The following CNTN6 variants were observed in gnomAD, a reference collection of about 807,000 sequenced individuals.
CNTN6 encodes the protein contactin-6.
A neutral mutation model predicts 122.8 loss-of-function variants in CNTN6; 137 were observed. The observed-to-expected ratio is 1.12, with a 90% CI of 0.97 to 1.29. CNTN6 has a LOEUF of 1.29. Ranked by LOEUF, CNTN6 falls within the 50% of genes most tolerant of loss-of-function variation. The pLI, the probability that CNTN6 is intolerant of heterozygous loss-of-function variation, is 0.00. For missense variants in CNTN6, 1,634 were observed against 1,223.4 expected (o/e 1.34, Z -5.01); for synonymous variants, 570 against 426.0 (o/e 1.34, Z -4.16).
In CNTN6 at chr3:1,156,677, TCCTTTCCC is replaced by T. The variant is rs1437331233; in HGVS notation, c.55+8615_55+8622del. Among the ~76,000 whole-genome samples the T allele has an allele frequency of 3.7e-3, 346 of 92,692 alleles. 2 individuals carry two copies. In the South Asian group the frequency reaches 0.042, roughly 11 times the overall value. The allele number at this position is 92,692 out of a possible 152,430, so 60.8% of individuals were successfully genotyped here. Reference sequence around the variant, plus strand: ...TTGCTCTTTCCCTTCCTTCCTTCCTTCCTTTCCCTCCCTCCCTTCCTTCCTTCCTTCCT... The same window carrying T: ...TTGCTCTTTCCCTTCCTTCCTTCCTTTCCCTCCCTTCCTTCCTTCCTTCCT... On this transcript the variant is annotated intron_variant, in intron 2 of 22. Coordinates refer to ENST00000446702, the MANE Select transcript of CNTN6 (RefSeq NM_001289080.2).
At chr3:1,198,663 A>C (rs2093813861) in intron 2 of CNTN6, among the ~76,000 whole-genome samples, 2 of 152,042 alleles carry the variant, frequency 1.3e-5, no homozygotes, top group African/African-American at 4.8e-5. Flanking sequence ...TGGAGTTTGC[A>C]GTGAGCCAAG....
At chr3:1,389,586 G>T in intron 20 of CNTN6, among the ~76,000 whole-genome samples, 1 of 152,036 alleles carries the variant, frequency 6.6e-6, no homozygotes. Flanking sequence ...AATGTAAATG[G>T]ACTAAATGCT....
intron 4 of CNTN6, among the ~76,000 whole-genome samples, chr3:1,247,167 T>C (rs1427223464): frequency 6.6e-6 from 1 of 152,010 alleles, no homozygotes; most frequent in East Asian, 1.9e-4. Flanking sequence ...ACCTGCATTT[T>C]ATTTATTTAT....
intron 11 of CNTN6, among the ~76,000 whole-genome samples, chr3:1,340,516 C>T (rs1029114655): frequency 2.0e-5 from 3 of 152,060 alleles, no homozygotes; most frequent in African/African-American, 7.2e-5. Context: ...TTTTTGATGG[C>T]ATGGAGAGGT....
intron 2 of CNTN6, among the ~76,000 whole-genome samples, chr3:1,192,488 G>A (rs1470787016): frequency 6.6e-6 from 1 of 152,106 alleles, no homozygotes; most frequent in Non-Finnish European, 1.5e-5. Flanking sequence ...TGTAGGCAAA[G>A]GTGCCTCATT....
intron 5 of CNTN6, among the ~76,000 whole-genome samples, chr3:1,291,057 G>A (rs1695236790): frequency 1.3e-5 from 2 of 152,152 alleles, no homozygotes; most frequent in Non-Finnish European, 2.9e-5. Context: ...AAAGGCCTCT[G>A]ACAGTATTAT....
Position 1,372,342 on chromosome 3 carries a change from A to T in CNTN6, c.1536A>T (p.Thr512=). 6.2e-7 allele frequency: 1 copy of T among 1,612,308 alleles called. No homozygotes were observed. Among genetic ancestry groups the T allele is most frequent in the Non-Finnish European group, 8.5e-7 (1 of 1,179,200 alleles). Residue 512 remains threonine, a synonymous_variant, in exon 13 of 23, where the codon ACA becomes ACT. Transcript: ENST00000446702. ...ITVPPSKMDV[T]VGESIVLPCQ... is the part of the protein sequence containing the mutation. ...TCCCACCTTCCAAAATGGATGTTAC[A>T]GTTGGCGAGAGTATAGTGCTACCAT...
chr3:1,126,924 T>C (rs1473106710), intron 1 of CNTN6, among the ~76,000 whole-genome samples: 1 of 151,904 alleles, frequency 6.6e-6, no homozygotes, highest in Non-Finnish European at 1.5e-5. Context: ...CCTAATATTC[T>C]GAAGATGTCA....
chr3:1,112,469 G>C (rs538687100), intron 1 of CNTN6, among the ~76,000 whole-genome samples: 5 of 152,108 alleles, frequency 3.3e-5, no homozygotes, highest in Non-Finnish European at 7.3e-5. Context: ...AGAACCTGGA[G>C]TGCTTCTGTG....
intron 4 of CNTN6, among the ~76,000 whole-genome samples, chr3:1,238,023 CA>C (rs200264002): frequency 4.0e-5 from 6 of 149,124 alleles, no homozygotes; most frequent in East Asian, 4.0e-4. Flanking sequence ...GAAAACAAAA[CA>C]AAAAAAAACC....
At chr3:1,369,185 C>T (rs1349401940) in intron 12 of CNTN6, among the ~76,000 whole-genome samples, 2 of 152,206 alleles carry the variant, frequency 1.3e-5, no homozygotes, top group Admixed American at 1.3e-4. Context: ...CCTTTTACTT[C>T]TCAGCGAAAA....
chr3:1,327,660 CA>C, intron 10 of CNTN6, 74 bp downstream of exon 10: 1 of 1,461,892 alleles, frequency 6.8e-7, no homozygotes, highest in Admixed American at 2.1e-5. Flanking sequence ...AATCCCAACC[CA>C]ATTTTTTTTG....
intron 11 of CNTN6, among the ~76,000 whole-genome samples, chr3:1,346,594 C>T (rs551192571): frequency 6.6e-6 from 1 of 152,124 alleles, no homozygotes; most frequent in Non-Finnish European, 1.5e-5. Flanking sequence ...GTTGAAGCAG[C>T]CTGAGAACCT....
intron 2 of CNTN6, among the ~76,000 whole-genome samples, chr3:1,200,432 C>T (rs2093846591): frequency 6.6e-6 from 1 of 152,102 alleles, no homozygotes; most frequent in Non-Finnish European, 1.5e-5. Flanking sequence ...GGATGGAGGC[C>T]ATCTGTGGTA....
intron 5 of CNTN6, among the ~76,000 whole-genome samples, chr3:1,288,774 G>A (rs548571679): frequency 1.1e-4 from 17 of 152,058 alleles, no homozygotes; most frequent in Non-Finnish European, 2.5e-4. Flanking sequence ...TTTCTTGTTT[G>A]TATTTTAAAT....
chr3:1,264,321 T>C (rs897378933), intron 4 of CNTN6, among the ~76,000 whole-genome samples: 5 of 152,262 alleles, frequency 3.3e-5, no homozygotes, highest in East Asian at 1.9e-4. Flanking sequence ...ATTTTATAAA[T>C]ACATGAGTTA....
intron 16 of CNTN6, among the ~76,000 whole-genome samples, chr3:1,374,613 G>A (rs1339794653): frequency 6.6e-6 from 1 of 152,026 alleles, no homozygotes; most frequent in Non-Finnish European, 1.5e-5. Context: ...CAAGAACCTG[G>A]ATCAGATACC....
chr3:1,403,661 G>C lies in CNTN6; in HGVS notation c.*243G>C. 1 of 286,180 alleles carries C rather than the reference G, an allele frequency of 3.5e-6. No homozygotes were observed. The highest frequency in any genetic ancestry group is 6.4e-6 in the Non-Finnish European group (1 of 156,270). 17.7% of individuals were successfully genotyped at this position (286,180 alleles called of 1,614,324 possible). ...AGGTGCCACATTAACCTGGGGAGTTGTAACTGCTGTGTCTTTTAAGTTACT... is the reference window on the plus strand; with the variant it reads ...AGGTGCCACATTAACCTGGGGAGTTCTAACTGCTGTGTCTTTTAAGTTACT... On this transcript the variant is annotated 3_prime_UTR_variant, in exon 23 of 23. Coordinates refer to ENST00000446702, the MANE Select transcript of CNTN6 (RefSeq NM_001289080.2).
chr3:1,174,740 T>G (rs1327875592), intron 2 of CNTN6, among the ~76,000 whole-genome samples: 1 of 152,154 alleles, frequency 6.6e-6, no homozygotes, highest in Non-Finnish European at 1.5e-5. Context: ...GGCTGACACA[T>G]AGGAAGAACC....
Sources: allele counts gnomAD v4.1 joint callset (sites outside exome capture counted in the v4.1 genomes callset), GRCh38; gene constraint gnomAD v4.1.1; transcripts MANE v1.5; gene names NCBI Gene and HGNC (gene_info 2026-07-23, HGNC 2026-07-21).